Variants in DPYSL5 observed in about 807,000 individuals in gnomAD.
The protein encoded by DPYSL5 is dihydropyrimidinase like 5.
In DPYSL5, 9 loss-of-function variants were observed where a neutral mutation model predicts 58.4. The observed-to-expected ratio is 0.15, with a 90% confidence interval of 0.09 to 0.27. The LOEUF is 0.27. DPYSL5 is among the 10% of genes least tolerant of loss of function. The pLI, the probability that DPYSL5 is intolerant of heterozygous loss-of-function variation, is 1.00. For missense variants in DPYSL5, 499 were observed against 770.6 expected (o/e 0.65, Z 4.17); for synonymous variants, 293 against 301.9 (o/e 0.97, Z 0.31).
intron 1 of DPYSL5, among the ~76,000 whole-genome samples, chr2:26,889,771 A>G (rs761082133): frequency 6.6e-5 from 10 of 151,822 alleles, no homozygotes; most frequent in Non-Finnish European, 1.3e-4. Context: ...AGAGGTCCAG[A>G]GTATCCACCC....
intron 1 of DPYSL5, among the ~76,000 whole-genome samples, chr2:26,863,492 C>T (rs1179686260): frequency 6.6e-6 from 1 of 152,218 alleles, no homozygotes; most frequent in Non-Finnish European, 1.5e-5. Context: ...GCTGGGCCTG[C>T]AGCACCCTGG....
At chr2:26,941,803 C>T in intron 9 of DPYSL5, 147 bp from the exon 10 acceptor site, 1 of 1,073,062 alleles carries the variant, frequency 9.3e-7, no homozygotes. Context: ...GCTGGCTCAT[C>T]TGAGATGGTG....
intron 6 of DPYSL5, among the ~76,000 whole-genome samples, chr2:26,932,180 A>G (rs1052306166): frequency 1.3e-5 from 1 of 76,540 alleles, no homozygotes; most frequent in African/African-American, 4.7e-5. Context: ...AGAAAGAAAG[A>G]AAGAAAGAAA....
chr2:26,853,902 G>A (rs1665815520), intron 1 of DPYSL5, among the ~76,000 whole-genome samples: 1 of 151,984 alleles, frequency 6.6e-6, no homozygotes, highest in South Asian at 2.1e-4. Flanking sequence ...TAGCCAGGTG[G>A]GGTGGCACAT....
intron 2 of DPYSL5, among the ~76,000 whole-genome samples, chr2:26,914,753 G>A (rs1421551304): frequency 2.0e-5 from 3 of 152,134 alleles, no homozygotes; most frequent in Non-Finnish European, 4.4e-5. Context: ...TTCCTGAACA[G>A]ATGTGTTCTT....
In DPYSL5 at chr2:26,925,418, C is replaced by G. The variant is rs1664804976; in HGVS notation, c.420+373C>G. ...GGGCTCAGGTGCAGAGGGTCATATC[C>G]CATATCCTATGTGTACTGAGAGTCC... On this transcript the variant is annotated intron_variant, in intron 3 of 12. Coordinates refer to ENST00000288699, the MANE Select transcript of DPYSL5 (RefSeq NM_020134.4). This position sits in a 1 kb window ranked among gnomAD's most constrained non-coding sequence, Gnocchi z 4.5. 6.6e-6 allele frequency among the ~76,000 whole-genome samples: 1 copy of G among 152,162 alleles called. No homozygotes were observed. Among genetic ancestry groups the G allele is most frequent in the African/African-American group, 2.4e-5 (1 of 41,426 alleles).
chr2:26,911,023 A>G (rs1480334964), intron 2 of DPYSL5, among the ~76,000 whole-genome samples: 1 of 148,938 alleles, frequency 6.7e-6, no homozygotes, highest in Non-Finnish European at 1.5e-5. Flanking sequence ...TTTACAGTTC[A>G]GTCTATGATC....
chr2:26,932,375 T>C (rs2148167073), intron 6 of DPYSL5, among the ~76,000 whole-genome samples: 1 of 152,296 alleles, frequency 6.6e-6, no homozygotes, highest in East Asian at 1.9e-4. Flanking sequence ...CAGCTTTCCA[T>C]TCCACCCCGC....
intron 2 of DPYSL5, among the ~76,000 whole-genome samples, chr2:26,899,987 T>C (rs1195379004): frequency 6.6e-6 from 1 of 152,186 alleles, no homozygotes; most frequent in Non-Finnish European, 1.5e-5. Context: ...GGGACCTTTC[T>C]CAAGTGAGTG....
At chr2:26,936,036 G>T (rs1319204843) in intron 8 of DPYSL5, among the ~76,000 whole-genome samples, 3 of 152,206 alleles carry the variant, frequency 2.0e-5, no homozygotes, top group Non-Finnish European at 4.4e-5. Flanking sequence ...TCCAGGCAAG[G>T]TGCCCACTGC....
chr2:26,932,173 A>AAGAAAGAAAGAAAGAAAGAC (rs1665033698), intron 6 of DPYSL5, among the ~76,000 whole-genome samples: 3 of 72,146 alleles, frequency 4.2e-5, no homozygotes, highest in African/African-American at 1.0e-4. Context: ...GAAAGAAAGA[A>AAGAAAGAAAGAAAGAAAGAC]AGAAAGAAAG....
At chr2:26,869,226 A>G (rs1183202566) in intron 1 of DPYSL5, among the ~76,000 whole-genome samples, 1 of 152,224 alleles carries the variant, frequency 6.6e-6, no homozygotes, top group Non-Finnish European at 1.5e-5. Flanking sequence ...TGGCCTCCCA[A>G]AGTGATGTGA....
rs113671088 is a variant in DPYSL5, at chr2:26,905,697, G to T, written c.261+6937G>T. 0.013 allele frequency among the ~76,000 whole-genome samples: 1,939 copies of T among 152,266 alleles called. 39 individuals are homozygous for T. The highest frequency in any genetic ancestry group is 0.044 in the African/African-American group (1,817 of 41,542). Reference sequence around the variant, plus strand: ...AAGAGCCCTGTGAAGGCTTCATGAAGTGACTTCCCCTCCCCTGCCACCTGG... The same window carrying T: ...AAGAGCCCTGTGAAGGCTTCATGAATTGACTTCCCCTCCCCTGCCACCTGG... On this transcript the variant is annotated intron_variant, in intron 2 of 12. Coordinates refer to ENST00000288699, the MANE Select transcript of DPYSL5 (RefSeq NM_020134.4). This position sits in a 1 kb window ranked among gnomAD's most constrained non-coding sequence, Gnocchi z 4.0.
rs896667899 is a variant in DPYSL5 at position 26,925,731 on chromosome 2, T to C, written c.420+686T>C. On this transcript the variant is annotated intron_variant, in intron 3 of 12. Transcript: ENST00000288699. The surrounding 1 kb of genome is among the most constrained non-coding windows in gnomAD (Gnocchi z 4.5). ...TCCTCTCCCCGGATTCCCACTTCCT[T>C]GCTCTTCCTAATCTACAGGCATTTC... Among the ~76,000 whole-genome samples, 3 of 152,306 alleles carry C rather than the reference T, an allele frequency of 2.0e-5. No homozygotes were observed. Among genetic ancestry groups the C allele is most frequent in the Admixed American group, 2.0e-4 (3 of 15,290 alleles).
In DPYSL5 at chr2:26,944,661, A is replaced by G; in HGVS notation, c.1446A>G (p.Leu482=). 6.2e-7 allele frequency: 1 copy of G among 1,613,528 alleles called. No homozygotes were observed. The highest frequency in any genetic ancestry group is 1.3e-5 in the African/African-American group (1 of 74,988). ...YKKLVQREKT[L]KVRGVDRTPY... ...CTTCTTCCATCCTTCCCTAGACTTT[A>G]AAGGTTAGAGGAGTGGACCGCACTC... Residue 482 remains leucine, a synonymous_variant, in exon 12 of 13, where the codon TTA becomes TTG. Transcript: ENST00000288699. The surrounding 1 kb of genome is among the most constrained non-coding windows in gnomAD (Gnocchi z 4.4).
rs1311671545 is a variant in DPYSL5, at chr2:26,949,406, A to G, written c.*2411A>G. On this transcript the variant is annotated 3_prime_UTR_variant, in exon 13 of 13. Coordinates refer to ENST00000288699, the MANE Select transcript of DPYSL5 (RefSeq NM_020134.4). ...AAGGGGCTCATGGCAAGTGGCAGCC[A>G]TTGGAACAGGGGTGAGGACCCAGGC... 6.6e-6 allele frequency: 1 copy of G among 152,428 alleles called. No homozygotes were observed. The highest frequency in any genetic ancestry group is 1.5e-5 in the Non-Finnish European group (1 of 68,272). The allele number at this position is 152,428 out of a possible 1,614,324, so 9.4% of individuals were successfully genotyped here. A position where few individuals can be genotyped will look rare whatever the true frequency, so the allele number is the denominator to read the frequency against.
At chr2:26,850,973 TA>T (rs1247084274) in intron 1 of DPYSL5, among the ~76,000 whole-genome samples, 3 of 145,710 alleles carry the variant, frequency 2.1e-5, no homozygotes, top group Non-Finnish European at 4.4e-5. Context: ...TTAATATGTA[TA>T]TACACACATA....
At chr2:26,943,484 A>C (rs1665378675) in intron 11 of DPYSL5, among the ~76,000 whole-genome samples, 2 of 152,114 alleles carry the variant, frequency 1.3e-5, no homozygotes, top group African/African-American at 4.8e-5. Context: ...GTTGCTTTCA[A>C]ATTCCTGGGC....
intron 1 of DPYSL5, among the ~76,000 whole-genome samples, chr2:26,867,518 G>C (rs1184349845): frequency 1.3e-5 from 2 of 149,418 alleles, no homozygotes; most frequent in Middle Eastern, 3.2e-3. Flanking sequence ...TGCGGTGGCG[G>C]GATCTCGGCT....
Sources: allele counts gnomAD v4.1 joint callset (sites outside exome capture counted in the v4.1 genomes callset), GRCh38; gene constraint gnomAD v4.1.1; non-coding constraint Gnocchi (gnomAD v3.1); transcripts MANE v1.5; gene names NCBI Gene and HGNC (gene_info 2026-07-23, HGNC 2026-07-21).